Variants in GAD2 observed in about 807,000 individuals in gnomAD.
GAD2 encodes the protein glutamate decarboxylase 2, also known as 65 kDa glutamic acid decarboxylase.
GAD2 carries 22 observed loss-of-function variants against 80.1 expected under a neutral mutation model. The observed-to-expected ratio is 0.27, with a 90% CI of 0.20 to 0.39. The LOEUF is 0.39. GAD2 is among the 10% of genes least tolerant of loss of function. The probability of loss-of-function intolerance (pLI) is 1.00; values close to 1 mark genes in which losing one functional copy is unlikely to be tolerated. For missense variants in GAD2, 624 were observed against 738.4 expected (o/e 0.85, Z 1.80); for synonymous variants, 274 against 256.9 (o/e 1.07, Z -0.64).
intron 3 of GAD2, among the ~76,000 whole-genome samples, chr10:26,218,678 CACTTCTG>C (rs1399547735): frequency 1.4e-4 from 21 of 152,140 alleles, no homozygotes; most frequent in African/African-American, 5.1e-4. Flanking sequence ...TCGAGACAAA[CACTTCTG>C]ACGTGAAATA....
In GAD2 at chr10:26,223,951, G is replaced by A; in HGVS notation, c.585G>A (p.Trp195Ter). ...GLDMVGLAADWLTSTANTNMF... is the reference protein window; with the variant it reads ...GLDMVGLAAD Reference sequence around the variant, plus strand: ...ATATGGTTGGATTAGCAGCAGACTGGCTGACATCAACAGCAAATACTAACA... The same window carrying A: ...ATATGGTTGGATTAGCAGCAGACTGACTGACATCAACAGCAAATACTAACA... Residue 195 changes from tryptophan to a stop codon, truncating the protein, a stop_gained, in exon 5 of 16, where the codon TGG (tryptophan) becomes TGA (stop). Coordinates refer to ENST00000376261, the MANE Select transcript of GAD2 (RefSeq NM_001134366.2). LOFTEE classifies it high-confidence loss of function. The A allele has an allele frequency of 6.2e-7, 1 of 1,610,654 alleles. No individual in the cohort carries two copies. Among genetic ancestry groups the A allele is most frequent in the Non-Finnish European group, 8.5e-7 (1 of 1,178,636 alleles).
intron 7 of GAD2, among the ~76,000 whole-genome samples, chr10:26,242,719 T>C (rs1844758045): frequency 6.6e-6 from 1 of 152,194 alleles, no homozygotes; most frequent in Non-Finnish European, 1.5e-5. Context: ...GTGTTTTTCT[T>C]TAAATCTGCA....
intron 15 of GAD2, 127 bp from the exon 16 acceptor site, chr10:26,300,661 T>A: frequency 1.2e-6 from 1 of 811,414 alleles, no homozygotes; most frequent in African/African-American, 1.7e-5. Flanking sequence ...AGGTAACTCT[T>A]TCAAGAGAAA....
chr10:26,260,745 C>T (rs1844999956), intron 8 of GAD2, among the ~76,000 whole-genome samples: 1 of 152,220 alleles, frequency 6.6e-6, no homozygotes, highest in African/African-American at 2.4e-5. Context: ...GTTTACACTT[C>T]CCCAGTACTA....
At chr10:26,257,464 G>T (rs541467025) in intron 8 of GAD2, among the ~76,000 whole-genome samples, 1 of 152,018 alleles carries the variant, frequency 6.6e-6, no homozygotes, top group Non-Finnish European at 1.5e-5. Flanking sequence ...CTCCCCTCAG[G>T]GTACCCCTGC....
intron 6 of GAD2, among the ~76,000 whole-genome samples, chr10:26,228,581 G>T (rs918257601): frequency 6.6e-6 from 1 of 152,144 alleles, no homozygotes; most frequent in Admixed American, 6.5e-5. Flanking sequence ...TATTAGGAAC[G>T]GGGCCACAGA....
chr10:26,270,547 T>G (rs1845122907), intron 9 of GAD2, 93 bp from the exon 10 acceptor site: 3 of 902,096 alleles, frequency 3.3e-6, no homozygotes, highest in Non-Finnish European at 5.6e-6. Flanking sequence ...CAGACGTGTC[T>G]GTTAGGGAGA....
intron 7 of GAD2, among the ~76,000 whole-genome samples, chr10:26,242,134 C>G (rs188455332): frequency 6.6e-6 from 1 of 152,044 alleles, no homozygotes; most frequent in South Asian, 2.1e-4. Flanking sequence ...TACAGGCACC[C>G]GCCACCATGC....
chr10:26,219,398 A>G (rs1276381930), intron 4 of GAD2, 122 bp downstream of exon 4: 8 of 641,608 alleles, frequency 1.2e-5, no homozygotes, highest in Admixed American at 9.9e-5. Flanking sequence ...AGTTATTTTC[A>G]TCATGTAAAA....
intron 10 of GAD2, among the ~76,000 whole-genome samples, chr10:26,273,195 G>A (rs1279208512): frequency 6.6e-6 from 1 of 152,220 alleles, no homozygotes; most frequent in Non-Finnish European, 1.5e-5. Flanking sequence ...GTGAAATAGA[G>A]TTATGAAGCC....
At position 26,303,732 on chromosome 10, in the gene GAD2, C is replaced by T. The variant is rs1229454427; in HGVS notation, c.*2771C>T. 1 of 152,164 alleles carries T rather than the reference C, an allele frequency of 6.6e-6. No homozygotes were observed. Among genetic ancestry groups the T allele is most frequent in the Non-Finnish European group, 1.5e-5 (1 of 68,032 alleles). 9.4% of individuals were successfully genotyped at this position (152,164 alleles called of 1,614,324 possible). On this transcript the variant is annotated 3_prime_UTR_variant, in exon 16 of 16. Coordinates refer to ENST00000376261, the MANE Select transcript of GAD2 (RefSeq NM_001134366.2). ...TGAGACCTATACATGGTATGGACTT[C>T]ATATACTGCCACAGGATGTGAGGAA...
intron 7 of GAD2, among the ~76,000 whole-genome samples, chr10:26,242,447 C>T (rs1324510487): frequency 2.0e-5 from 3 of 152,162 alleles, no homozygotes; most frequent in Non-Finnish European, 4.4e-5. Flanking sequence ...GGAATAAAAA[C>T]GACTGTCCAC....
At chr10:26,241,036 C>T (rs560078230) in intron 7 of GAD2, among the ~76,000 whole-genome samples, 6 of 151,190 alleles carry the variant, frequency 4.0e-5, no homozygotes, top group African/African-American at 9.7e-5. Context: ...AGTGAGACTC[C>T]GTCTCAAAAA....
At chr10:26,297,330 GA>G (rs1350075395) in intron 15 of GAD2, among the ~76,000 whole-genome samples, 1 of 152,160 alleles carries the variant, frequency 6.6e-6, no homozygotes, top group African/African-American at 2.4e-5. Context: ...AAGACATAGT[GA>G]AAAATACATT....
chr10:26,266,151 C>T (rs1845071000), intron 8 of GAD2, among the ~76,000 whole-genome samples: 1 of 152,180 alleles, frequency 6.6e-6, no homozygotes, highest in Non-Finnish European at 1.5e-5. Flanking sequence ...ATTTGTCTCC[C>T]TTGATAGCAT....
intron 12 of GAD2, among the ~76,000 whole-genome samples, chr10:26,284,834 G>T (rs1481211363): frequency 1.3e-5 from 2 of 152,144 alleles, no homozygotes; most frequent in African/African-American, 2.4e-5. Flanking sequence ...CTCCCAAAGT[G>T]CTGGGATTAC....
intron 7 of GAD2, among the ~76,000 whole-genome samples, chr10:26,230,488 G>A (rs915927393): frequency 6.6e-6 from 1 of 152,158 alleles, no homozygotes; most frequent in Non-Finnish European, 1.5e-5. Flanking sequence ...TAGTGCAGTG[G>A]TGCAATCACA....
chr10:26,265,492 C>T (rs376030752), intron 8 of GAD2, among the ~76,000 whole-genome samples: 6 of 152,022 alleles, frequency 3.9e-5, no homozygotes, highest in East Asian at 3.9e-4. Flanking sequence ...TGCGAGCCAC[C>T]GAGTATGGCC....
intron 8 of GAD2, among the ~76,000 whole-genome samples, chr10:26,259,690 T>C (rs1391345788): frequency 6.6e-6 from 1 of 152,190 alleles, no homozygotes; most frequent in Non-Finnish European, 1.5e-5. Flanking sequence ...TCTTTTGTTG[T>C]ACAAGTTTTT....
Sources: gnomAD v4.1 joint callset for allele counts (sites outside exome capture counted in the v4.1 genomes callset) on GRCh38, gnomAD v4.1.1 for gene constraint, MANE v1.5 for transcripts, NCBI Gene and HGNC (gene_info 2026-07-23, HGNC 2026-07-21) for gene names.